UNC5C: variants seen among roughly 807,000 people sequenced by gnomAD.
UNC5C encodes netrin receptor UNC5C.
In UNC5C, 47 loss-of-function variants were observed where a neutral mutation model predicts 99.8. The ratio of observed to expected loss-of-function variants is 0.47; its 90% CI spans 0.37 to 0.60. UNC5C has a LOEUF of 0.60. UNC5C is among the 20% of genes least tolerant of loss of function. UNC5C has a pLI of 0.00. For synonymous variants in UNC5C, 487 were observed against 452.2 expected (o/e 1.08, Z -0.98); for missense variants, 1,062 against 1,165.9 (o/e 0.91, Z 1.30).
At chr4:95,224,072 C>T (rs963692519) in intron 7 of UNC5C, among the ~76,000 whole-genome samples, 4 of 152,098 alleles carry the variant, frequency 2.6e-5, no homozygotes, top group Non-Finnish European at 5.9e-5. Context: ...CGCCTGAGCT[C>T]ATGAGTACGA....
chr4:95,479,767 C>A lies in UNC5C; in HGVS notation c.124+68967G>T, dbSNP rs543728364. 2.5e-4 allele frequency among the ~76,000 whole-genome samples: 38 copies of A among 152,002 alleles called. 1 individual carries two copies. In the South Asian group the frequency reaches 7.9e-3, roughly 31 times the overall value. The stretch of plus-strand genomic sequence containing the variant: ...TACAATAGTTAATTTTATGTGTCAA[C>A]TTGACTGGACCATGGAGTGCCCAGA... On this transcript the variant is annotated intron_variant, in intron 1 of 15. Coordinates refer to ENST00000453304, the MANE Select transcript of UNC5C (RefSeq NM_003728.4).
chr4:95,304,218 T>A (rs1321276680), intron 2 of UNC5C, among the ~76,000 whole-genome samples: 3 of 152,218 alleles, frequency 2.0e-5, no homozygotes, highest in Non-Finnish European at 4.4e-5. Flanking sequence ...GAAAAGCTTA[T>A]GAAGTACATT....
intron 12 of UNC5C, among the ~76,000 whole-genome samples, chr4:95,189,642 G>A (rs546843216): frequency 2.6e-4 from 39 of 152,184 alleles, no homozygotes; most frequent in South Asian, 6.2e-4. Flanking sequence ...ACAAATTTAC[G>A]AGAAAGAAAC....
At chr4:95,414,191 C>T (rs1746090936) in intron 1 of UNC5C, among the ~76,000 whole-genome samples, 1 of 152,094 alleles carries the variant, frequency 6.6e-6, no homozygotes, top group Non-Finnish European at 1.5e-5. Flanking sequence ...GCAGTTTCTG[C>T]CCTTTCCTTC....
chr4:95,523,200 C>A (rs558481117), intron 1 of UNC5C, among the ~76,000 whole-genome samples: 3 of 152,120 alleles, frequency 2.0e-5, no homozygotes, highest in Non-Finnish European at 4.4e-5. Flanking sequence ...ATGAACTGCC[C>A]AACAGAATTG....
chr4:95,505,161 G>T (rs1002577137), intron 1 of UNC5C, among the ~76,000 whole-genome samples: 3 of 151,910 alleles, frequency 2.0e-5, no homozygotes, highest in Non-Finnish European at 4.4e-5. Flanking sequence ...TTATTCATTG[G>T]CAAGGAACAA....
intron 1 of UNC5C, among the ~76,000 whole-genome samples, chr4:95,507,682 G>A (rs1171615247): frequency 6.6e-6 from 1 of 151,914 alleles, no homozygotes; most frequent in African/African-American, 2.4e-5. Context: ...AAGTCTCTAT[G>A]TATAGCCATT....
At chr4:95,314,731 A>C (rs1200912566) in intron 2 of UNC5C, among the ~76,000 whole-genome samples, 2 of 152,192 alleles carry the variant, frequency 1.3e-5, no homozygotes. Flanking sequence ...AAGGCTCTTC[A>C]CAAATCAGAT....
At chr4:95,300,913 C>T (rs1307491982) in intron 3 of UNC5C, among the ~76,000 whole-genome samples, 1 of 152,016 alleles carries the variant, frequency 6.6e-6, no homozygotes, top group Non-Finnish European at 1.5e-5. Context: ...TCAATAATAA[C>T]TTAATTGTTC....
chr4:95,285,531 C>G lies in UNC5C; in HGVS notation c.491-7169G>C, dbSNP rs117305322. Among the ~76,000 whole-genome samples, 758 of 152,250 alleles carry G rather than the reference C, an allele frequency of 5.0e-3. 27 individuals carry two copies. The East Asian group carries it at 0.094, about 19-fold the overall frequency. ...AGAGTTCTGAAATGAAAGGTGATTA[C>G]TCATCTGCATAAATTTTGTACACAT... is the stretch of plus-strand genomic sequence containing the variant. On this transcript the variant is annotated intron_variant, in intron 3 of 15. Transcript: ENST00000453304.
chr4:95,322,353 G>T (rs2149413665), intron 2 of UNC5C, among the ~76,000 whole-genome samples: 1 of 152,244 alleles, frequency 6.6e-6, no homozygotes, highest in Middle Eastern at 3.4e-3. Flanking sequence ...CACACTGTTG[G>T]TTTGTCTCAC....
At chr4:95,296,955 C>T (rs995821651) in intron 3 of UNC5C, among the ~76,000 whole-genome samples, 2 of 152,134 alleles carry the variant, frequency 1.3e-5, no homozygotes, top group East Asian at 1.9e-4. Context: ...GAAGTGTTGA[C>T]GGTGAAAGTC....
chr4:95,200,489 GCAACTTACTTAAA>G (rs573953641), intron 12 of UNC5C, among the ~76,000 whole-genome samples: 8 of 152,340 alleles, frequency 5.3e-5, no homozygotes, highest in African/African-American at 1.9e-4. Flanking sequence ...GTGACCTAGG[GCAACTTACTTAAA>G]CTTTCTGTGC....
chr4:95,479,888 C>T (rs907366631), intron 1 of UNC5C, among the ~76,000 whole-genome samples: 4 of 151,816 alleles, frequency 2.6e-5, no homozygotes, highest in Admixed American at 2.0e-4. Flanking sequence ...ATTGTCTTTT[C>T]CATAGAGAAC....
intron 1 of UNC5C, among the ~76,000 whole-genome samples, chr4:95,474,175 C>T (rs940721443): frequency 6.6e-6 from 1 of 152,036 alleles, no homozygotes; most frequent in Non-Finnish European, 1.5e-5. Flanking sequence ...TTGCATTTCT[C>T]AGAGCCAATT....
intron 1 of UNC5C, among the ~76,000 whole-genome samples, chr4:95,484,689 C>T (rs1207883507): frequency 1.3e-5 from 2 of 151,786 alleles, no homozygotes; most frequent in African/African-American, 4.8e-5. Flanking sequence ...GAAGAAGATG[C>T]ATAATATTTT....
chr4:95,176,220 T>C (rs1391431604), intron 14 of UNC5C, among the ~76,000 whole-genome samples: 1 of 152,266 alleles, frequency 6.6e-6, no homozygotes, highest in African/African-American at 2.4e-5. Context: ...AATTTGATCA[T>C]CTGAAGCCTT....
chr4:95,180,264 G>A (rs1306456542), intron 14 of UNC5C, among the ~76,000 whole-genome samples: 5 of 152,334 alleles, frequency 3.3e-5, no homozygotes, highest in African/African-American at 9.6e-5. Flanking sequence ...CCATGGAACA[G>A]CCTACTTGGG....
chr4:95,447,110 C>G (rs1050459602), intron 1 of UNC5C, among the ~76,000 whole-genome samples: 7 of 152,112 alleles, frequency 4.6e-5, no homozygotes, highest in Non-Finnish European at 8.8e-5. Context: ...TGTATTTTAT[C>G]TAGATACATC....
Sources: allele counts gnomAD v4.1 joint callset (sites outside exome capture counted in the v4.1 genomes callset), GRCh38; gene constraint gnomAD v4.1.1; transcripts MANE v1.5; gene names NCBI Gene and HGNC (gene_info 2026-07-23, HGNC 2026-07-21).